USH2A: variants seen among roughly 807,000 people sequenced by gnomAD.
USH2A encodes Usher syndrome 2A (autosomal recessive, mild).
In USH2A, 443 loss-of-function variants were observed where a neutral mutation model predicts 538.9. The observed-to-expected ratio is 0.82, with a 90% CI of 0.76 to 0.89. The LOEUF is 0.89. USH2A is among the 40% of genes least tolerant of loss of function. The probability of loss-of-function intolerance (pLI) is 0.00; values close to 1 mark genes in which losing one functional copy is unlikely to be tolerated. For missense variants in USH2A, 6,633 were observed against 6,324.8 expected (o/e 1.05, Z -1.65); for synonymous variants, 2,413 against 2,273.5 (o/e 1.06, Z -1.75).
chr1:215,626,943 T>G (rs1319414863), intron 71 of USH2A, among the ~76,000 whole-genome samples: 1 of 152,222 alleles, frequency 6.6e-6, no homozygotes, highest in African/African-American at 2.4e-5. Flanking sequence ...TAGCAATTCA[T>G]TGTTTCAACC....
At chr1:216,232,465 T>C (rs1572074750) in intron 13 of USH2A, among the ~76,000 whole-genome samples, 1 of 152,222 alleles carries the variant, frequency 6.6e-6, no homozygotes, top group African/African-American at 2.4e-5. Context: ...TTGCTTTGCC[T>C]AGAACACTGA....
intron 61 of USH2A, among the ~76,000 whole-genome samples, chr1:215,701,129 T>C (rs773146834): frequency 6.6e-6 from 1 of 152,248 alleles, no homozygotes; most frequent in Non-Finnish European, 1.5e-5. Context: ...TGAGTGAGTT[T>C]CTTAAGCCTG....
chr1:216,275,407 C>T (rs1218793479), intron 11 of USH2A, among the ~76,000 whole-genome samples: 1 of 151,918 alleles, frequency 6.6e-6, no homozygotes, highest in African/African-American at 2.4e-5. Flanking sequence ...ATGTATTTTC[C>T]ATGTCTATAG....
At chr1:215,925,219 G>A (rs1479450764) in intron 38 of USH2A, among the ~76,000 whole-genome samples, 1 of 152,138 alleles carries the variant, frequency 6.6e-6, no homozygotes, top group Non-Finnish European at 1.5e-5. Flanking sequence ...TTGAGAGCAT[G>A]TTTAAGACAG....
rs904429811 is a variant in USH2A, at chr1:215,781,433, A to T, written c.10740+609T>A. 8.5e-5 allele frequency among the ~76,000 whole-genome samples: 13 copies of T among 152,338 alleles called. No homozygotes were observed. In the East Asian group the frequency reaches 2.1e-3, roughly 25 times the overall value. ...CATGATCCACAAATTACTCAAGCAG[A>T]TATTTGACAATATCCGTGACTCTTT... is the stretch of plus-strand genomic sequence containing the variant. On this transcript the variant is annotated intron_variant, in intron 54 of 71. Transcript: ENST00000307340.
At chr1:215,702,959 T>C (rs1056321580) in intron 61 of USH2A, among the ~76,000 whole-genome samples, 1 of 152,170 alleles carries the variant, frequency 6.6e-6, no homozygotes, top group African/African-American at 2.4e-5. Context: ...TATCTACCTT[T>C]ATCTTTGATA....
intron 41 of USH2A, among the ~76,000 whole-genome samples, chr1:215,887,134 G>A (rs908202488): frequency 1.3e-5 from 2 of 152,208 alleles, no homozygotes; most frequent in Admixed American, 6.5e-5. Context: ...TGGGATTACA[G>A]GCGTGAGCCA....
chr1:215,986,347 A>G lies in USH2A; in HGVS notation c.6805+6673T>C, dbSNP rs111332009. ...TTTTTGGTAGAGACAGGGTTTCATC[A>G]TGTTTCCTAGGCTGGTCTTGAACTC... is the stretch of plus-strand genomic sequence containing the variant. On this transcript the variant is annotated intron_variant, in intron 35 of 71. Transcript: ENST00000307340. Among the ~76,000 whole-genome samples the G allele has an allele frequency of 9.4e-3, 1,208 of 128,830 alleles. 20 individuals are homozygous for G. The highest frequency in any genetic ancestry group is 0.033 in the African/African-American group (1,139 of 34,740). 84.5% of individuals were successfully genotyped at this position (128,830 alleles called of 152,430 possible). A position where few individuals can be genotyped will look rare whatever the true frequency, so the allele number is the denominator to read the frequency against.
chr1:215,920,822 C>G lies in USH2A; in HGVS notation c.7300+13794G>C, dbSNP rs151128751. On this transcript the variant is annotated intron_variant, in intron 38 of 71. Transcript: ENST00000307340. ...AAGCTTTTTCCTGTGATCATGCCCT[C>G]AACTTCAGATTTTGATGAGGAAAGT... 9.8e-3 allele frequency among the ~76,000 whole-genome samples: 1,495 copies of G among 152,144 alleles called. 20 individuals are homozygous for G. Among genetic ancestry groups the G allele is most frequent in the African/African-American group, 0.035 (1,443 of 41,548 alleles).
chr1:215,737,810 A>G (rs1003747648), intron 60 of USH2A, among the ~76,000 whole-genome samples: 4 of 151,978 alleles, frequency 2.6e-5, no homozygotes, highest in South Asian at 2.1e-4. Flanking sequence ...AATCAGCTTA[A>G]TTATCCATTT....
intron 58 of USH2A, among the ~76,000 whole-genome samples, chr1:215,756,393 A>G (rs1660793853): frequency 6.6e-6 from 1 of 152,220 alleles, no homozygotes; most frequent in Non-Finnish European, 1.5e-5. Flanking sequence ...AAAATAACAG[A>G]TATTTTGATA....
At chr1:215,690,367 C>G (rs964848756) in intron 61 of USH2A, among the ~76,000 whole-genome samples, 4 of 152,162 alleles carry the variant, frequency 2.6e-5, no homozygotes, top group Non-Finnish European at 5.9e-5. Flanking sequence ...TTACTCTCCT[C>G]CCCAAATCTT....
chr1:215,829,977 T>C (rs980143379), intron 47 of USH2A, among the ~76,000 whole-genome samples: 3 of 152,170 alleles, frequency 2.0e-5, no homozygotes, highest in Non-Finnish European at 2.9e-5. Flanking sequence ...TCTCTCCCAC[T>C]GATTACAACT....
intron 64 of USH2A, among the ~76,000 whole-genome samples, chr1:215,653,115 A>G (rs1324230523): frequency 6.6e-6 from 1 of 152,184 alleles, no homozygotes; most frequent in Non-Finnish European, 1.5e-5. Flanking sequence ...GTAGATATAG[A>G]ATCATAAATA....
At chr1:216,096,838 G>A (rs748090416) in intron 22 of USH2A, among the ~76,000 whole-genome samples, 1 of 152,112 alleles carries the variant, frequency 6.6e-6, no homozygotes, top group Non-Finnish European at 1.5e-5. Flanking sequence ...TGGCATTTTG[G>A]TTGTTAAGCC....
At chr1:216,386,431 A>G (rs1460352458) in intron 3 of USH2A, among the ~76,000 whole-genome samples, 1 of 151,064 alleles carries the variant, frequency 6.6e-6, no homozygotes, top group Non-Finnish European at 1.5e-5. Context: ...GCTTGCAGTG[A>G]GCCGAGATCC....
intron 38 of USH2A, among the ~76,000 whole-genome samples, chr1:215,912,905 C>T (rs971433445): frequency 5.3e-5 from 8 of 151,992 alleles, no homozygotes; most frequent in African/African-American, 1.9e-4. Flanking sequence ...CTCCATTTTT[C>T]TCATTTGGCC....
intron 34 of USH2A, among the ~76,000 whole-genome samples, chr1:215,995,086 A>G (rs1338478592): frequency 6.6e-6 from 1 of 152,102 alleles, no homozygotes; most frequent in Non-Finnish European, 1.5e-5. Flanking sequence ...TCTTATTTGT[A>G]TACTAAAATA....
intron 67 of USH2A, among the ~76,000 whole-genome samples, chr1:215,643,340 T>C (rs1170355881): frequency 1.3e-5 from 2 of 152,102 alleles, no homozygotes; most frequent in Non-Finnish European, 2.9e-5. Context: ...CATGTTTTCG[T>C]GCTCCCAGTA....
Sources: gnomAD v4.1 joint callset for allele counts (sites outside exome capture counted in the v4.1 genomes callset) on GRCh38, gnomAD v4.1.1 for gene constraint, MANE v1.5 for transcripts, NCBI Gene and HGNC (gene_info 2026-07-23, HGNC 2026-07-21) for gene names.